FKBP5: variants seen among roughly 807,000 people sequenced by gnomAD.
FKBP5 encodes the protein peptidyl-prolyl cis-trans isomerase FKBP5.
In FKBP5, 23 loss-of-function variants were observed where a neutral mutation model predicts 50.5. That is an observed-to-expected ratio of 0.46 (90% CI 0.33 to 0.65). The LOEUF (loss-of-function observed/expected upper bound fraction) is 0.65. FKBP5 is among the 30% of genes least tolerant of loss of function. FKBP5 has a pLI of 0.02. For synonymous variants in FKBP5, 176 were observed against 190.6 expected (o/e 0.92, Z 0.63); for missense variants, 411 against 553.1 (o/e 0.74, Z 2.58).
chr6:35,675,277 G>A (rs777521342), intron 1 of FKBP5, among the ~76,000 whole-genome samples: 11 of 152,214 alleles, frequency 7.2e-5, no homozygotes, highest in Non-Finnish European at 1.5e-4. Flanking sequence ...GCTGGGTGTG[G>A]TGGCTCACGC....
intron 1 of FKBP5, among the ~76,000 whole-genome samples, chr6:35,647,336 G>A (rs780186730): frequency 2.0e-5 from 3 of 152,178 alleles, no homozygotes; most frequent in Non-Finnish European, 4.4e-5. Flanking sequence ...ACCCTATTTG[G>A]CCTCAAAAAG....
intron 1 of FKBP5, among the ~76,000 whole-genome samples, chr6:35,654,883 T>A (rs918978262): frequency 3.3e-5 from 5 of 152,186 alleles, no homozygotes; most frequent in African/African-American, 1.2e-4. Flanking sequence ...CTGATAGGCA[T>A]CACTGTTAAA....
chr6:35,675,342 CG>C (rs1765498399), intron 1 of FKBP5, among the ~76,000 whole-genome samples: 1 of 152,120 alleles, frequency 6.6e-6, no homozygotes, highest in Non-Finnish European at 1.5e-5. Context: ...GAGGCCGAGG[CG>C]GGTGGATCAC....
At chr6:35,720,628 G>A (rs1451985866) in intron 1 of FKBP5, 2 of 152,216 alleles carry the variant, frequency 1.3e-5, no homozygotes, top group African/African-American at 4.8e-5. Flanking sequence ...AAGGGAAGAG[G>A]CCCTCCTGGC....
At chr6:35,583,596 C>T in intron 8 of FKBP5, 1 of 979,448 alleles carries the variant, frequency 1.0e-6, no homozygotes, top group Non-Finnish European at 1.2e-6. Flanking sequence ...CCAGGGAACA[C>T]CTGGCAGGTC....
At chr6:35,683,205 C>T (rs1304683908) in intron 1 of FKBP5, among the ~76,000 whole-genome samples, 1 of 144,612 alleles carries the variant, frequency 6.9e-6, no homozygotes, top group Non-Finnish European at 1.5e-5. Flanking sequence ...GCTCTGTCCC[C>T]CAGGCTGGAG....
At chr6:35,608,274 G>A (rs1433892830) in intron 5 of FKBP5, among the ~76,000 whole-genome samples, 1 of 152,166 alleles carries the variant, frequency 6.6e-6, no homozygotes, top group African/African-American at 2.4e-5. Context: ...TCACTATCTG[G>A]ATGATGGGTT....
intron 5 of FKBP5, among the ~76,000 whole-genome samples, chr6:35,615,565 A>G (rs908981407): frequency 5.3e-5 from 8 of 152,246 alleles, no homozygotes; most frequent in African/African-American, 1.9e-4. Context: ...GTAATGAATA[A>G]TAACTTATGG....
intron 1 of FKBP5, among the ~76,000 whole-genome samples, chr6:35,673,077 A>T (rs548746513): frequency 8.6e-4 from 131 of 152,306 alleles, no homozygotes; most frequent in African/African-American, 3.0e-3. Flanking sequence ...TATATAAGAG[A>T]AAAAATTACC....
At chr6:35,678,234 G>A (rs140884494) in intron 1 of FKBP5, among the ~76,000 whole-genome samples, 2 of 152,216 alleles carry the variant, frequency 1.3e-5, no homozygotes, top group East Asian at 3.9e-4. Flanking sequence ...GAAGTGTTTT[G>A]GCTGGAGGGA....
chr6:35,576,909 G>C, intron 10 of FKBP5, 85 bp downstream of exon 10: 1 of 1,504,838 alleles, frequency 6.6e-7, no homozygotes, highest in South Asian at 1.2e-5. Context: ...AGCCTCTTGG[G>C]TTGTTTAGCT....
chr6:35,690,188 G>T (rs948238213), upstream of FKBP5, among the ~76,000 whole-genome samples: 2 of 152,228 alleles, frequency 1.3e-5, no homozygotes, highest in African/African-American at 4.8e-5. Flanking sequence ...ATGCCTGGGC[G>T]CCGGGCGCGG....
chr6:35,589,123 T>TAC (rs1762726792), intron 7 of FKBP5, among the ~76,000 whole-genome samples: 2 of 129,146 alleles, frequency 1.5e-5, no homozygotes, highest in Non-Finnish European at 3.2e-5. Context: ...TATATATATA[T>TAC]ATATATTTTT....
chr6:35,599,773 A>G (rs1185547474), intron 5 of FKBP5, among the ~76,000 whole-genome samples: 1 of 152,226 alleles, frequency 6.6e-6, no homozygotes, highest in Admixed American at 6.5e-5. Context: ...CTTCTGTTAG[A>G]CTTACTTTTA....
rs1410256841 is a variant in FKBP5 at position 35,597,396 on chromosome 6, C to T, written c.517G>A (p.Glu173Lys). The T allele has an allele frequency of 6.2e-7, 1 of 1,613,430 alleles. No homozygotes were observed. Among genetic ancestry groups the T allele is most frequent in the Admixed American group, 1.7e-5 (1 of 59,798 alleles). ...NEGATVEIHL[E>K]GRCGGRMFDC... ...AACATCCTTCCACCACAGCGGCCTT[C>T]CAGGTGGACTGAGGGCAAGGAGACA... The change falls in exon 6 of 11, where the codon GAA becomes AAA. Residue 173 changes from glutamate to lysine, a missense_variant. Glu to Lys is a moderately conservative substitution (Grantham distance 56, BLOSUM62 1). Transcript: ENST00000357266.
chr6:35,576,038 T>G (rs1581775834), intron 10 of FKBP5, 96 bp from the exon 11 acceptor site: 1 of 854,012 alleles, frequency 1.2e-6, no homozygotes, highest in Non-Finnish European at 2.0e-6. Context: ...AAACACGAGG[T>G]ATTGCAATGA....
intron 8 of FKBP5, chr6:35,581,830 C>A: frequency 2.0e-6 from 2 of 985,444 alleles, no homozygotes; most frequent in South Asian, 4.7e-5. Context: ...AATGCCTGAC[C>A]AACAGTGTTA....
intron 1 of FKBP5, among the ~76,000 whole-genome samples, chr6:35,647,237 A>C (rs1362724447): frequency 6.6e-6 from 1 of 152,124 alleles, no homozygotes; most frequent in African/African-American, 2.4e-5. Context: ...AAACAAAAAA[A>C]CCCCAGAAAA....
intron 1 of FKBP5, among the ~76,000 whole-genome samples, chr6:35,649,431 A>C (rs1764725011): frequency 1.3e-5 from 1 of 78,106 alleles, no homozygotes; most frequent in Non-Finnish European, 2.4e-5. Flanking sequence ...TTTGGCTAAA[A>C]GGTTTTTTTT....
Sources: gnomAD v4.1 joint callset for allele counts (sites outside exome capture counted in the v4.1 genomes callset) on GRCh38, gnomAD v4.1.1 for gene constraint, MANE v1.5 for transcripts, NCBI Gene and HGNC (gene_info 2026-07-23, HGNC 2026-07-21) for gene names.